The following SUCLG2 variants were observed in gnomAD, a reference collection of about 807,000 sequenced individuals.
SUCLG2 encodes the protein succinate--CoA ligase [GDP-forming] subunit beta, mitochondrial.
In SUCLG2, 42 loss-of-function variants were observed where a neutral mutation model predicts 47.9. The observed-to-expected ratio is 0.88, with a 90% confidence interval of 0.69 to 1.14. SUCLG2 has a LOEUF of 1.14. Among genes scored for constraint, SUCLG2 ranks in the 50% most tolerant of loss-of-function variants. SUCLG2 has a pLI of 0.00. For missense variants in SUCLG2, 571 were observed against 525.9 expected (o/e 1.09, Z -0.84); for synonymous variants, 195 against 197.3 (o/e 0.99, Z 0.10).
chr3:67,526,076 T>G (rs1052526312), intron 4 of SUCLG2, among the ~76,000 whole-genome samples: 1 of 152,208 alleles, frequency 6.6e-6, no homozygotes, highest in East Asian at 1.9e-4. Flanking sequence ...CCAAGATCAG[T>G]GCACCGCCAT....
chr3:67,437,970 C>T (rs1217365004), intron 9 of SUCLG2, among the ~76,000 whole-genome samples: 1 of 152,124 alleles, frequency 6.6e-6, no homozygotes, highest in East Asian at 1.9e-4. Context: ...TAGTGACTCA[C>T]TTCTAGTGAA....
chr3:67,406,982 T>C (rs1702827466), intron 9 of SUCLG2, among the ~76,000 whole-genome samples: 1 of 152,208 alleles, frequency 6.6e-6, no homozygotes, highest in South Asian at 2.1e-4. Flanking sequence ...AATAGCTGGA[T>C]AATGATAAAG....
chr3:67,538,022 C>A (rs145975316), intron 2 of SUCLG2, among the ~76,000 whole-genome samples: 20 of 152,280 alleles, frequency 1.3e-4, no homozygotes, highest in African/African-American at 4.8e-4. Flanking sequence ...CTGTAGGCTG[C>A]CTGTTCACTC....
intron 10 of SUCLG2, among the ~76,000 whole-genome samples, chr3:67,366,537 C>T (rs1701877556): frequency 6.6e-6 from 1 of 152,176 alleles, no homozygotes; most frequent in Non-Finnish European, 1.5e-5. Flanking sequence ...GGTAGAGAAA[C>T]ACGTGTTTGA....
At chr3:67,390,658 T>TG (rs1407380463) in intron 10 of SUCLG2, among the ~76,000 whole-genome samples, 1 of 151,946 alleles carries the variant, frequency 6.6e-6, no homozygotes, top group Non-Finnish European at 1.5e-5. Context: ...GAGGGTTTTT[T>TG]TTTTTTCCTT....
intron 10 of SUCLG2, among the ~76,000 whole-genome samples, chr3:67,365,163 G>A (rs1575650576): frequency 6.6e-6 from 1 of 152,162 alleles, no homozygotes; most frequent in Admixed American, 6.5e-5. Context: ...GGACCTGTGG[G>A]ATTATAACAG....
intron 9 of SUCLG2, among the ~76,000 whole-genome samples, chr3:67,463,139 T>C (rs1395180717): frequency 6.6e-6 from 1 of 152,088 alleles, no homozygotes; most frequent in Non-Finnish European, 1.5e-5. Flanking sequence ...TAAAGAAAAA[T>C]AGGGGATGAA....
chr3:67,434,636 A>G (rs1457693955), intron 9 of SUCLG2, among the ~76,000 whole-genome samples: 1 of 152,244 alleles, frequency 6.6e-6, no homozygotes, highest in Non-Finnish European at 1.5e-5. Flanking sequence ...AGGATGAGAG[A>G]AGGGGAAGGC....
At chr3:67,552,588 A>G (rs954170092) in intron 2 of SUCLG2, among the ~76,000 whole-genome samples, 1 of 152,226 alleles carries the variant, frequency 6.6e-6, no homozygotes, top group Non-Finnish European at 1.5e-5. Context: ...TGAGTTCAGT[A>G]GTCTAGCATT....
At chr3:67,594,802 C>T (rs1374378975) in intron 2 of SUCLG2, among the ~76,000 whole-genome samples, 1 of 152,116 alleles carries the variant, frequency 6.6e-6, no homozygotes, top group African/African-American at 2.4e-5. Flanking sequence ...GATAGTAAAG[C>T]TATAGATGAC....
At chr3:67,392,729 T>G (rs983036449) in intron 10 of SUCLG2, among the ~76,000 whole-genome samples, 1 of 152,170 alleles carries the variant, frequency 6.6e-6, no homozygotes, top group Non-Finnish European at 1.5e-5. Context: ...TTGGCATTTG[T>G]ACTCATAGGT....
chr3:67,641,001 G>A (rs1701091920), intron 1 of SUCLG2, among the ~76,000 whole-genome samples: 1 of 152,142 alleles, frequency 6.6e-6, no homozygotes, highest in South Asian at 2.1e-4. Flanking sequence ...AACTAAGTGA[G>A]ATTAAAAATA....
At chr3:67,394,996 C>T (rs955267443) in intron 10 of SUCLG2, among the ~76,000 whole-genome samples, 1 of 151,984 alleles carries the variant, frequency 6.6e-6, no homozygotes, top group Non-Finnish European at 1.5e-5. Flanking sequence ...ACCACCAGGC[C>T]TGCCCTAAAA....
At chr3:67,565,555 T>G (rs1160951456) in intron 2 of SUCLG2, among the ~76,000 whole-genome samples, 1 of 152,234 alleles carries the variant, frequency 6.6e-6, no homozygotes, top group Non-Finnish European at 1.5e-5. Flanking sequence ...ATACCCTTCA[T>G]TGCCAACAGC....
intron 9 of SUCLG2, among the ~76,000 whole-genome samples, chr3:67,432,458 G>C (rs1337972312): frequency 6.6e-6 from 1 of 152,158 alleles, no homozygotes; most frequent in African/African-American, 2.4e-5. Context: ...AGCTGCGAAG[G>C]AAACTTTCTG....
intron 1 of SUCLG2, among the ~76,000 whole-genome samples, chr3:67,651,244 C>A (rs907710571): frequency 6.6e-6 from 1 of 152,132 alleles, no homozygotes; most frequent in Non-Finnish European, 1.5e-5. Flanking sequence ...TGGTTTAAAC[C>A]CCTGAAACCT....
intron 9 of SUCLG2, among the ~76,000 whole-genome samples, chr3:67,422,301 G>A (rs1029813499): frequency 1.3e-4 from 20 of 151,140 alleles, no homozygotes; most frequent in Admixed American, 1.1e-3. Context: ...GTGAAACCCT[G>A]TCTCTACTAA....
chr3:67,393,768 A>AAC (rs1553639903), intron 10 of SUCLG2, among the ~76,000 whole-genome samples: 3 of 151,992 alleles, frequency 2.0e-5, no homozygotes, highest in Non-Finnish European at 4.4e-5. Flanking sequence ...ACTGCGAGGC[A>AAC]CCCCAGCAGG....
At position 67,491,245 on chromosome 3, in the gene SUCLG2, AAGAG is replaced by A. The variant is rs1207872140; in HGVS notation, c.1062+4549_1062+4552del. On this transcript the variant is annotated intron_variant, in intron 9 of 10. Coordinates refer to ENST00000307227, the MANE Select transcript of SUCLG2 (RefSeq NM_003848.4). ...TAAGTCAGAAGAAAAAAAAAAAAAA[AAGAG>A]AGAAAAGAAAAGAAATTACCTGTGG... Among the ~76,000 whole-genome samples the A allele has an allele frequency of 2.0e-5, 3 of 151,150 alleles. 1 individual carries two copies. The highest frequency in any genetic ancestry group is 4.2e-4 in the South Asian group (2 of 4,812).
Sources: gnomAD v4.1 joint callset for allele counts (sites outside exome capture counted in the v4.1 genomes callset) on GRCh38, gnomAD v4.1.1 for gene constraint, MANE v1.5 for transcripts, NCBI Gene and HGNC (gene_info 2026-07-23, HGNC 2026-07-21) for gene names.